VPS13D: variants seen among roughly 807,000 people sequenced by gnomAD.
VPS13D encodes the protein intermembrane lipid transfer protein VPS13D.
VPS13D carries 187 observed loss-of-function variants against 461.9 expected under a neutral mutation model. The ratio of observed to expected loss-of-function variants is 0.40; its 90% confidence interval spans 0.36 to 0.46. The LOEUF (loss-of-function observed/expected upper bound fraction) is 0.46, where lower values mean the gene tolerates loss of function less well. VPS13D is among the 20% of genes least tolerant of loss of function. The pLI, the probability that VPS13D is intolerant of heterozygous loss-of-function variation, is 0.60. For missense variants in VPS13D, 4,711 were observed against 5,364.9 expected (o/e 0.88, Z 3.81); for synonymous variants, 1,951 against 1,986.3 (o/e 0.98, Z 0.47).
intron 65 of VPS13D, among the ~76,000 whole-genome samples, chr1:12,442,020 A>T (rs1645137811): frequency 6.6e-6 from 1 of 152,150 alleles, no homozygotes; most frequent in Non-Finnish European, 1.5e-5. Flanking sequence ...CCCTCATAAA[A>T]CATGATTTTT....
chr1:12,232,507 T>G (rs537879301), intron 1 of VPS13D, among the ~76,000 whole-genome samples: 1 of 152,286 alleles, frequency 6.6e-6, no homozygotes, highest in East Asian at 1.9e-4. Flanking sequence ...ATGACTGACA[T>G]GGTGGATCAG....
intron 14 of VPS13D, 72 bp from the exon 15 acceptor site, chr1:12,267,773 A>T: frequency 7.5e-7 from 1 of 1,333,404 alleles, no homozygotes; most frequent in Non-Finnish European, 1.1e-6. Context: ...GCTGAAGGGT[A>T]AGATGGGTTT....
intron 67 of VPS13D, among the ~76,000 whole-genome samples, chr1:12,487,621 A>T (rs1557471156): frequency 1.3e-5 from 2 of 151,326 alleles, no homozygotes; most frequent in African/African-American, 4.9e-5. Flanking sequence ...AAAAAAAAAA[A>T]AAAAGCAAAC....
chr1:12,327,576 C>T (rs1643224090), intron 35 of VPS13D, 72 bp from the exon 36 acceptor site: 9 of 1,373,126 alleles, frequency 6.6e-6, no homozygotes, highest in Non-Finnish European at 7.9e-6. Flanking sequence ...TTTTATTTCT[C>T]TGTTTCCTCT....
chr1:12,375,657 G>A (rs545758498), intron 55 of VPS13D, among the ~76,000 whole-genome samples: 1 of 152,248 alleles, frequency 6.6e-6, no homozygotes, highest in South Asian at 2.1e-4. Context: ...TCCATGTACT[G>A]GGCAGCCCTG....
chr1:12,278,584 T>G (rs1457614199), intron 19 of VPS13D, among the ~76,000 whole-genome samples: 2 of 152,204 alleles, frequency 1.3e-5, no homozygotes, highest in Non-Finnish European at 2.9e-5. Flanking sequence ...CAGGAATTTA[T>G]TTTTTTGAAG....
intron 29 of VPS13D, among the ~76,000 whole-genome samples, chr1:12,312,483 C>T (rs1198963159): frequency 4.6e-5 from 7 of 152,146 alleles, no homozygotes; most frequent in East Asian, 1.9e-4. Flanking sequence ...AGGGGCTAGG[C>T]GCAGTGGCTC....
chr1:12,314,432 A>G (rs1458002085), intron 30 of VPS13D, 105 bp downstream of exon 30: 1 of 1,037,314 alleles, frequency 9.6e-7, no homozygotes. Flanking sequence ...ATCACTAGAC[A>G]GATAAATAGA....
intron 65 of VPS13D, among the ~76,000 whole-genome samples, chr1:12,421,348 GA>G (rs1293247915): frequency 2.0e-5 from 3 of 152,192 alleles, no homozygotes; most frequent in Admixed American, 2.0e-4. Flanking sequence ...ATTTATTTAA[GA>G]AAATGACAGC....
intron 65 of VPS13D, among the ~76,000 whole-genome samples, chr1:12,446,882 G>A (rs2100363262): frequency 6.6e-6 from 1 of 152,310 alleles, no homozygotes; most frequent in East Asian, 1.9e-4. Flanking sequence ...GTAAGCTGGT[G>A]TGGTGTGATG....
At chr1:12,417,894 T>C (rs1307526127) in intron 65 of VPS13D, among the ~76,000 whole-genome samples, 1 of 151,920 alleles carries the variant, frequency 6.6e-6, no homozygotes, top group Non-Finnish European at 1.5e-5. Flanking sequence ...TAAGCAACAG[T>C]CTTTTCTTTT....
At chr1:12,494,881 A>C (rs890447599) in intron 67 of VPS13D, among the ~76,000 whole-genome samples, 3 of 152,222 alleles carry the variant, frequency 2.0e-5, no homozygotes, top group African/African-American at 7.2e-5. Flanking sequence ...CAAAGCTTGC[A>C]TACTGGCCTT....
intron 52 of VPS13D, among the ~76,000 whole-genome samples, chr1:12,366,404 T>C (rs905204900): frequency 6.6e-6 from 1 of 152,188 alleles, no homozygotes; most frequent in Non-Finnish European, 1.5e-5. Context: ...GGTAGGGCTC[T>C]AGCACTCTCA....
At chr1:12,295,824 C>T (rs1642261202) in intron 24 of VPS13D, among the ~76,000 whole-genome samples, 1 of 152,152 alleles carries the variant, frequency 6.6e-6, no homozygotes, top group African/African-American at 2.4e-5. Flanking sequence ...CTATTCCGTT[C>T]CCCTGTCAAC....
intron 54 of VPS13D, among the ~76,000 whole-genome samples, chr1:12,370,514 A>G (rs935317589): frequency 2.6e-5 from 4 of 152,208 alleles, no homozygotes; most frequent in African/African-American, 9.6e-5. Flanking sequence ...GGGCCCAGAA[A>G]ATAATCTCTG....
At chr1:12,393,536 G>A (rs1644455755) in intron 60 of VPS13D, among the ~76,000 whole-genome samples, 1 of 152,196 alleles carries the variant, frequency 6.6e-6, no homozygotes. Flanking sequence ...ATTTGGTTAA[G>A]CTTACGATAA....
chr1:12,370,396 T>C (rs1285025127), intron 54 of VPS13D, among the ~76,000 whole-genome samples: 1 of 152,222 alleles, frequency 6.6e-6, no homozygotes, highest in Non-Finnish European at 1.5e-5. Context: ...GCTTAATCTT[T>C]AACATTACAA....
At chr1:12,356,316 G>A in intron 48 of VPS13D, 82 bp from the exon 49 acceptor site, 3 of 1,500,752 alleles carry the variant, frequency 2.0e-6, no homozygotes, top group Non-Finnish European at 1.8e-6. Context: ...TTTCCCGCTT[G>A]ATGGTTTTAT....
At chr1:12,446,566 C>G (rs1054923035) in intron 65 of VPS13D, among the ~76,000 whole-genome samples, 5 of 152,094 alleles carry the variant, frequency 3.3e-5, no homozygotes, top group Non-Finnish European at 5.9e-5. Flanking sequence ...CTCCATAGTC[C>G]TCTTTCTTTC....
Sources: gnomAD v4.1 joint callset for allele counts (sites outside exome capture counted in the v4.1 genomes callset) on GRCh38, gnomAD v4.1.1 for gene constraint, MANE v1.5 for transcripts, NCBI Gene and HGNC (gene_info 2026-07-23, HGNC 2026-07-21) for gene names.